Variants in CBFA2T2 observed in about 807,000 individuals in gnomAD.
CBFA2T2 encodes the protein CBFA2/RUNX1 partner transcriptional co-repressor 2, also known as protein CBFA2T2.
In CBFA2T2, 11 loss-of-function variants were observed where a neutral mutation model predicts 62.2. The ratio of observed to expected loss-of-function variants is 0.18; its 90% CI spans 0.11 to 0.29. The LOEUF (loss-of-function observed/expected upper bound fraction) is 0.29, where lower values mean the gene tolerates loss of function less well. CBFA2T2 is among the 10% of genes least tolerant of loss of function. The pLI is 1.00. For missense variants in CBFA2T2, 592 were observed against 774.1 expected, an observed-to-expected ratio of 0.76 and a Z score of 2.79; for synonymous variants, 295 against 287.5, an observed-to-expected ratio of 1.03 and a Z score of -0.27.
At position 33,644,909 on chromosome 20, in the gene CBFA2T2, A is replaced by G; in HGVS notation, c.*263A>G. The G allele has an allele frequency of 2.2e-6, 1 of 457,968 alleles. No individual in the cohort carries two copies. The highest frequency in any genetic ancestry group is 3.7e-5 in the East Asian group (1 of 27,024). 28.4% of individuals were successfully genotyped at this position (457,968 alleles called of 1,614,324 possible). On this transcript the variant is annotated 3_prime_UTR_variant, in exon 11 of 11. Coordinates refer to ENST00000342704, the MANE Select transcript of CBFA2T2 (RefSeq NM_001032999.3). Reference sequence around the variant, plus strand: ...GCTTTCCTGGTTTGTTCCTCTCTCCACTGAAGCTGACTTAGCCGGCCCCTT... The same window carrying G: ...GCTTTCCTGGTTTGTTCCTCTCTCCGCTGAAGCTGACTTAGCCGGCCCCTT...
intron 1 of CBFA2T2, among the ~76,000 whole-genome samples, chr20:33,586,610 A>C (rs570588730): frequency 6.6e-6 from 1 of 152,306 alleles, no homozygotes; most frequent in East Asian, 1.9e-4. Flanking sequence ...TGAGTTCAAA[A>C]TAGATAAAAA....
chr20:33,542,662 C>A (rs952354441), intron 1 of CBFA2T2, among the ~76,000 whole-genome samples: 1 of 152,096 alleles, frequency 6.6e-6, no homozygotes, highest in Non-Finnish European at 1.5e-5. Context: ...AGAAGTCTTT[C>A]TTACTAAGTC....
At chr20:33,525,375 G>C (rs547104227) in intron 1 of CBFA2T2, among the ~76,000 whole-genome samples, 1 of 151,082 alleles carries the variant, frequency 6.6e-6, no homozygotes, top group Non-Finnish European at 1.5e-5. Flanking sequence ...TAGTAGAGAT[G>C]GGGTTTCTCC....
intron 1 of CBFA2T2, among the ~76,000 whole-genome samples, chr20:33,514,151 C>T (rs142208530): frequency 1.4e-3 from 204 of 145,444 alleles, no homozygotes; most frequent in African/African-American, 4.9e-3. Flanking sequence ...GATCCACCTG[C>T]TTTGGCCTCC....
chr20:33,642,939 G>A (rs763287668), intron 10 of CBFA2T2, among the ~76,000 whole-genome samples: 1 of 152,178 alleles, frequency 6.6e-6, no homozygotes, highest in Non-Finnish European at 1.5e-5. Context: ...TAGCCTCCAG[G>A]TGAGGTGCAC....
chr20:33,646,857 T>A lies in CBFA2T2; in HGVS notation c.*2211T>A. ...GCCTGGGCAACAGAGCAAAACTCTGTCTCAAAAAAAAAAAAAAAAAGGCAA... is the reference window on the plus strand; with the variant it reads ...GCCTGGGCAACAGAGCAAAACTCTGACTCAAAAAAAAAAAAAAAAAGGCAA... On this transcript the variant is annotated 3_prime_UTR_variant, in exon 11 of 11. Coordinates refer to ENST00000342704, the MANE Select transcript of CBFA2T2 (RefSeq NM_001032999.3). 7.6e-6 allele frequency: 1 copy of A among 131,220 alleles called. No homozygotes were observed. Among genetic ancestry groups the A allele is most frequent in the East Asian group, 2.5e-4 (1 of 4,018 alleles). The allele number at this position is 131,220 out of a possible 1,614,324, so 8.1% of individuals were successfully genotyped here. A position where few individuals can be genotyped will look rare whatever the true frequency, so the allele number is the denominator to read the frequency against.
intron 1 of CBFA2T2, among the ~76,000 whole-genome samples, chr20:33,499,778 GAT>G: frequency 6.6e-6 from 1 of 152,090 alleles, no homozygotes. Flanking sequence ...CTGTTTTACT[GAT>G]AAGGAAATCC....
intron 1 of CBFA2T2, among the ~76,000 whole-genome samples, chr20:33,600,182 GTTTTTTTTT>G (rs1183371343): frequency 9.7e-5 from 6 of 62,048 alleles, no homozygotes; most frequent in African/African-American, 2.6e-4. Flanking sequence ...CTTTTGGAAA[GTTTTTTTTT>G]TTTTTTTTTT....
At chr20:33,519,760 T>C (rs1600922552) in intron 1 of CBFA2T2, among the ~76,000 whole-genome samples, 1 of 152,204 alleles carries the variant, frequency 6.6e-6, no homozygotes, top group East Asian at 1.9e-4. Flanking sequence ...AGCAGCAGGG[T>C]TCCTAAATAA....
At chr20:33,529,116 A>G (rs927718764) in intron 1 of CBFA2T2, among the ~76,000 whole-genome samples, 1 of 151,860 alleles carries the variant, frequency 6.6e-6, no homozygotes, top group Non-Finnish European at 1.5e-5. Flanking sequence ...AGCTCCGCCT[A>G]CCGGGTTTAC....
At chr20:33,564,698 G>A (rs2013227207) in intron 1 of CBFA2T2, among the ~76,000 whole-genome samples, 2 of 151,852 alleles carry the variant, frequency 1.3e-5, no homozygotes, top group South Asian at 4.1e-4. Context: ...TCCCACCCTG[G>A]CCTCCTGAGT....
At chr20:33,545,872 T>G (rs1430337120) in intron 1 of CBFA2T2, among the ~76,000 whole-genome samples, 1 of 152,224 alleles carries the variant, frequency 6.6e-6, no homozygotes. Context: ...TTGAAGCAAA[T>G]GTAAATAGTA....
rs567238665 is a variant in CBFA2T2 at position 33,576,005 on chromosome 20, C to G, written c.35-30951C>G. Among the ~76,000 whole-genome samples, 227 of 151,674 alleles carry G rather than the reference C, an allele frequency of 1.5e-3. 1 individual carries two copies. Among genetic ancestry groups the G allele is most frequent in the Non-Finnish European group, 2.7e-3 (184 of 67,872 alleles). ...GGTTTCACCATGTTAGCCAGGATGG[C>G]CTCGATCTCCTGATCTCGTGATCCG... On this transcript the variant is annotated intron_variant, in intron 1 of 10. Transcript: ENST00000342704.
chr20:33,612,960 G>T (rs1355066467), intron 3 of CBFA2T2, among the ~76,000 whole-genome samples: 1 of 152,210 alleles, frequency 6.6e-6, no homozygotes, highest in East Asian at 1.9e-4. Flanking sequence ...GGTGGCATAT[G>T]CCTGTGGTCC....
chr20:33,569,072 T>C (rs2013451094), intron 1 of CBFA2T2, among the ~76,000 whole-genome samples: 1 of 152,172 alleles, frequency 6.6e-6, no homozygotes, highest in Admixed American at 6.5e-5. Flanking sequence ...TTTTAGACTT[T>C]GGATGGGATT....
chr20:33,512,060 C>T (rs2011520250), intron 1 of CBFA2T2, among the ~76,000 whole-genome samples: 2 of 152,158 alleles, frequency 1.3e-5, no homozygotes. Context: ...GCCTGTAGGC[C>T]CAGCTACGTG....
chr20:33,608,527 T>A (rs1872945652), intron 2 of CBFA2T2, among the ~76,000 whole-genome samples: 1 of 152,224 alleles, frequency 6.6e-6, no homozygotes, highest in South Asian at 2.1e-4. Context: ...TAGCATTCAG[T>A]TTGAGCCAGA....
At chr20:33,633,536 G>A (rs921237165) in intron 8 of CBFA2T2, among the ~76,000 whole-genome samples, 1 of 152,144 alleles carries the variant, frequency 6.6e-6, no homozygotes, top group East Asian at 1.9e-4. Flanking sequence ...TGCAATGTAG[G>A]TTTCCTTACC....
chr20:33,544,922 A>G (rs1396587309), intron 1 of CBFA2T2, among the ~76,000 whole-genome samples: 1 of 148,668 alleles, frequency 6.7e-6, no homozygotes, highest in South Asian at 2.1e-4. Context: ...TATTTGTTGC[A>G]TGCATGAGTG....
Sources: allele counts gnomAD v4.1 joint callset (sites outside exome capture counted in the v4.1 genomes callset), GRCh38; gene constraint gnomAD v4.1.1; transcripts MANE v1.5; gene names NCBI Gene and HGNC (gene_info 2026-07-23, HGNC 2026-07-21).